The following RGS3 variants were observed in gnomAD, a reference collection of about 807,000 sequenced individuals.
RGS3 encodes regulator of G protein signaling 3, also known as regulator of G-protein signalling 3.
In RGS3, 80 loss-of-function variants were observed where a neutral mutation model predicts 132.6. That is an observed-to-expected ratio of 0.60 (90% confidence interval 0.50 to 0.73). The LOEUF is 0.73. Among genes scored for constraint, RGS3 ranks in the 30% least tolerant of loss-of-function variants. RGS3 has a pLI of 0.00. For missense variants in RGS3, 1,382 were observed against 1,530.8 expected (o/e 0.90, Z 1.62); for synonymous variants, 598 against 620.6 (o/e 0.96, Z 0.54).
Position 113,447,030 on chromosome 9 carries a change from G to C in RGS3, c.-13+2103G>C, listed in dbSNP as rs1202211552. Among the ~76,000 whole-genome samples the C allele has an allele frequency of 4.6e-5, 7 of 151,992 alleles. No homozygotes were observed. The East Asian group carries it at 1.2e-3, about 25-fold the overall frequency. On this transcript the variant is annotated intron_variant, in intron 1 of 25. Transcript: ENST00000374140. Reference sequence around the variant, plus strand: ...TAATCCCAGCACTTTGGAAAGCCGAGGTGGGTGGATCACGAGGTCAGGAGA... The same window carrying C: ...TAATCCCAGCACTTTGGAAAGCCGACGTGGGTGGATCACGAGGTCAGGAGA...
intron 18 of RGS3, among the ~76,000 whole-genome samples, chr9:113,533,195 T>C (rs995902251): frequency 3.3e-5 from 5 of 151,870 alleles, no homozygotes; most frequent in African/African-American, 1.2e-4. Context: ...TTCACTGCAT[T>C]GCCAAGATCA....
intron 19 of RGS3, chr9:113,583,217 A>G (rs1052309029): frequency 3.4e-5 from 24 of 702,404 alleles, no homozygotes; most frequent in Admixed American, 1.8e-4. Context: ...CTCTTCTCCT[A>G]TAAATGACCA....
chr9:113,580,369 C>A (rs987183047), intron 19 of RGS3, among the ~76,000 whole-genome samples: 3 of 152,332 alleles, frequency 2.0e-5, no homozygotes, highest in East Asian at 3.9e-4. Flanking sequence ...ATTCCTTTAC[C>A]CTCTGGGACC....
intron 17 of RGS3, among the ~76,000 whole-genome samples, chr9:113,523,966 C>T (rs1387015386): frequency 6.6e-6 from 1 of 152,210 alleles, no homozygotes; most frequent in African/African-American, 2.4e-5. Flanking sequence ...AAGCCACTGA[C>T]AACTTCTCCA....
chr9:113,588,750 G>A (rs911109706), intron 20 of RGS3, among the ~76,000 whole-genome samples: 3 of 152,194 alleles, frequency 2.0e-5, no homozygotes, highest in African/African-American at 4.8e-5. Context: ...TGTGTTGGGC[G>A]CTGTGCTGAG....
intron 19 of RGS3, among the ~76,000 whole-genome samples, chr9:113,577,809 C>T (rs892529173): frequency 2.0e-5 from 3 of 152,182 alleles, no homozygotes; most frequent in Non-Finnish European, 2.9e-5. Flanking sequence ...TCACAGCACC[C>T]GAGGGTTTTC....
rs963225734 is a variant in RGS3 at position 113,506,227 on chromosome 9, C to T, written c.980-161C>T. On this transcript the variant is annotated intron_variant, in intron 11 of 24. Transcript: ENST00000350696. This position sits in a 1 kb window ranked among gnomAD's most constrained non-coding sequence, Gnocchi z 4.7. Reference sequence around the variant, plus strand: ...CAAAGGGATGCCTTCTTTCAAGGCTCTTGAGAGGCACCAAGTTCAGTCCCT... The same window carrying T: ...CAAAGGGATGCCTTCTTTCAAGGCTTTTGAGAGGCACCAAGTTCAGTCCCT... Among the ~76,000 whole-genome samples the T allele has an allele frequency of 3.9e-5, 6 of 151,940 alleles. No individual in the cohort carries two copies.
intron 19 of RGS3, among the ~76,000 whole-genome samples, chr9:113,550,348 A>G (rs1258405450): frequency 6.6e-6 from 1 of 152,242 alleles, no homozygotes; most frequent in African/African-American, 2.4e-5. Context: ...TGGGCAACAG[A>G]GTGAAACTTC....
At chr9:113,502,594 C>G (rs542075575) in intron 10 of RGS3, among the ~76,000 whole-genome samples, 1 of 152,324 alleles carries the variant, frequency 6.6e-6, no homozygotes, top group Admixed American at 6.5e-5. Flanking sequence ...GCGACACTAG[C>G]GTCTGGATGG....
intron 4 of RGS3, 21 bp from the exon 3 acceptor site, chr9:113,483,038 A>G: frequency 6.2e-7 from 1 of 1,613,902 alleles, no homozygotes; most frequent in Non-Finnish European, 8.5e-7. Flanking sequence ...CATCCACCCC[A>G]ATGTCTGAAT....
At chr9:113,496,279 C>T (rs1237073548) in intron 8 of RGS3, among the ~76,000 whole-genome samples, 1 of 152,308 alleles carries the variant, frequency 6.6e-6, no homozygotes, top group African/African-American at 2.4e-5. Context: ...GAGTGAGCAG[C>T]ACCATCCTCT....
At chr9:113,467,808 G>A (rs533443012) in intron 3 of RGS3, among the ~76,000 whole-genome samples, 5 of 152,184 alleles carry the variant, frequency 3.3e-5, no homozygotes, top group Middle Eastern at 6.8e-3. Flanking sequence ...TCAACCTCCT[G>A]TGCTTAAGCG....
At chr9:113,556,278 G>T (rs1170045647) in intron 19 of RGS3, among the ~76,000 whole-genome samples, 2 of 152,074 alleles carry the variant, frequency 1.3e-5, no homozygotes, top group Non-Finnish European at 2.9e-5. Flanking sequence ...GTCCTAACTA[G>T]GTAAGTCCTT....
intron 14 of RGS3, among the ~76,000 whole-genome samples, chr9:113,514,107 A>G (rs1831530798): frequency 6.6e-6 from 1 of 152,072 alleles, no homozygotes; most frequent in African/African-American, 2.4e-5. Context: ...AATATGAGCG[A>G]TTTCTTGATT....
intron 5 of RGS3, 33 bp from the exon 4 acceptor site, chr9:113,484,105 C>A: frequency 7.4e-7 from 1 of 1,342,844 alleles, no homozygotes. Flanking sequence ...GCCATGAGAT[C>A]CGCTAATCAT....
intron 17 of RGS3, among the ~76,000 whole-genome samples, chr9:113,525,668 G>C (rs1431408108): frequency 6.6e-6 from 1 of 152,206 alleles, no homozygotes; most frequent in African/African-American, 2.4e-5. Context: ...TTTCTGGCTG[G>C]TTGGGGCTGG....
intron 3 of RGS3, among the ~76,000 whole-genome samples, chr9:113,467,485 T>G (rs1409752530): frequency 6.6e-6 from 1 of 152,244 alleles, no homozygotes; most frequent in Non-Finnish European, 1.5e-5. Context: ...TGACCCGTGA[T>G]GTTGAACATT....
Position 113,463,742 on chromosome 9 carries a change from T to A in RGS3, c.415+1541T>A. 6.5e-7 allele frequency: 1 copy of A among 1,540,276 alleles called. No individual in the cohort carries two copies. ...CTCCCGCCCTGGAGACTCCGGTTAC[T>A]GGGGAGCAACACAGCCGCCTCGGGT... On this transcript the variant is annotated intron_variant, in intron 3 of 24. Coordinates refer to ENST00000350696, the Ensembl canonical transcript of RGS3. This position sits in a 1 kb window ranked among gnomAD's most constrained non-coding sequence, Gnocchi z 4.6.
At chr9:113,535,639 T>C (rs1002634840) in intron 18 of RGS3, among the ~76,000 whole-genome samples, 1 of 152,176 alleles carries the variant, frequency 6.6e-6, no homozygotes, top group Non-Finnish European at 1.5e-5. Flanking sequence ...GGTTGACAGC[T>C]GGGAAGTGGC....
Sources: gnomAD v4.1 joint callset for allele counts (sites outside exome capture counted in the v4.1 genomes callset) on GRCh38, gnomAD v4.1.1 for gene constraint, Gnocchi (gnomAD v3.1) non-coding constraint, MANE v1.5 for transcripts, NCBI Gene and HGNC (gene_info 2026-07-23, HGNC 2026-07-21) for gene names.